KCNQ2: variants seen among roughly 807,000 people sequenced by gnomAD.
The protein encoded by KCNQ2 is potassium voltage-gated channel subfamily Q member 2.
In KCNQ2, 14 loss-of-function variants were observed where a neutral mutation model predicts 84.8. The observed-to-expected ratio is 0.17, with a 90% CI of 0.11 to 0.26. The LOEUF (loss-of-function observed/expected upper bound fraction) is 0.26. Ranked by LOEUF, KCNQ2 falls within the 10% of genes least tolerant of loss-of-function variation. KCNQ2 has a pLI of 1.00. For missense variants in KCNQ2, 788 were observed against 1,254.0 expected, an observed-to-expected ratio of 0.63 and a Z score of 5.61; for synonymous variants, 599 against 554.1, an observed-to-expected ratio of 1.08 and a Z score of -1.14.
At position 63,440,571 on chromosome 20, in the gene KCNQ2, G is replaced by A. The variant is rs139160695; in HGVS notation, c.817-863C>T. ...GCCCAGGACAGGCCCTGTGAGGGCA[G>A]AGTCTTAGATAAACAGACAGAGGGA... On this transcript the variant is annotated intron_variant, in intron 5 of 16. Coordinates refer to ENST00000359125, the MANE Select transcript of KCNQ2 (RefSeq NM_172107.4). Among the ~76,000 whole-genome samples the A allele has an allele frequency of 1.5e-3, 232 of 152,340 alleles. 1 individual carries two copies. Among genetic ancestry groups the A allele is most frequent in the African/African-American group, 4.5e-3 (188 of 41,588 alleles).
chr20:63,442,191 C>G (rs2081179858), intron 5 of KCNQ2, among the ~76,000 whole-genome samples: 1 of 152,132 alleles, frequency 6.6e-6, no homozygotes, highest in African/African-American at 2.4e-5. Context: ...CACGGCTGAG[C>G]TCAGGCTCTC....
chr20:63,440,035 G>A (rs977679771), intron 5 of KCNQ2, among the ~76,000 whole-genome samples: 6 of 152,370 alleles, frequency 3.9e-5, no homozygotes, highest in Admixed American at 1.3e-4. Context: ...GCCAGGTGAA[G>A]AGTGCAGCTG....
At chr20:63,443,035 A>T (rs1600773580) in intron 4 of KCNQ2, among the ~76,000 whole-genome samples, 1 of 42,528 alleles carries the variant, frequency 2.4e-5, no homozygotes, top group Non-Finnish European at 4.6e-5. Context: ...TCACATCACC[A>T]CCACCATCAC....
At chr20:63,457,878 A>C (rs2145851162) in intron 1 of KCNQ2, among the ~76,000 whole-genome samples, 1 of 152,212 alleles carries the variant, frequency 6.6e-6, no homozygotes, top group South Asian at 2.1e-4. Context: ...CTGGCTCAGC[A>C]CGTGGTTAAA....
intron 4 of KCNQ2, 103 bp from the exon 5 acceptor site, chr20:63,442,634 A>G: frequency 2.4e-6 from 3 of 1,259,496 alleles, no homozygotes; most frequent in Non-Finnish European, 1.1e-6. Context: ...GACCACCATC[A>G]CCACCACCAA....
chr20:63,406,311 G>A lies in KCNQ2; in HGVS notation c.*333C>T, dbSNP rs1446590443. The A allele has an allele frequency of 3.3e-6, 1 of 304,942 alleles. No homozygotes were observed. The highest frequency in any genetic ancestry group is 6.2e-6 in the Non-Finnish European group (1 of 162,194). The allele number at this position is 304,942 out of a possible 1,614,324, so 18.9% of individuals were successfully genotyped here. On this transcript the variant is annotated 3_prime_UTR_variant, in exon 17 of 17. Transcript: ENST00000359125. The stretch of plus-strand genomic sequence containing the variant: ...ACAACCCCCCGCCTGTTGCCACGCT[G>A]GCAACACCCCGTCATCACTCCCGCC...
chr20:63,463,091 A>G (rs1194105847), intron 1 of KCNQ2, among the ~76,000 whole-genome samples: 1 of 150,012 alleles, frequency 6.7e-6, no homozygotes, highest in African/African-American at 2.5e-5. Context: ...GTGTGTGCAC[A>G]TGTCATGTGA....
At chr20:63,421,682 A>ACAGGCACGGGGGAGCCCGC (rs2080474732) in intron 11 of KCNQ2, among the ~76,000 whole-genome samples, 1 of 151,850 alleles carries the variant, frequency 6.6e-6, no homozygotes, top group Non-Finnish European at 1.5e-5. Context: ...GGGGAGCCCG[A>ACAGGCACGGGGGAGCCCGC]ACAGGCACGG....
intron 11 of KCNQ2, among the ~76,000 whole-genome samples, chr20:63,421,895 C>T (rs546345558): frequency 9.5e-4 from 144 of 152,260 alleles, no homozygotes; most frequent in African/African-American, 3.4e-3. Flanking sequence ...CCAACGTAGA[C>T]GCTTCCTCTG....
chr20:63,472,392 G>T lies in KCNQ2; in HGVS notation c.72C>A (p.Phe24Leu). 6.5e-7 allele frequency: 1 copy of T among 1,537,402 alleles called. No homozygotes were observed. Residue 24 changes from phenylalanine to leucine, a missense_variant, in exon 1 of 17, where the codon TTC (phenylalanine) becomes TTA (leucine). Phe to Leu is a conservative substitution (Grantham distance 22, BLOSUM62 0). Coordinates refer to ENST00000359125, the MANE Select transcript of KCNQ2 (RefSeq NM_172107.4). ...PSGEKKLKVG[F>L]VGLDPGAPDS... ...CGGGCGCGCCGGGGTCCAGCCCCACGAAGCCCACCTTCAGCTTCTTCTCCC... is the reference window on the plus strand; with the variant it reads ...CGGGCGCGCCGGGGTCCAGCCCCACTAAGCCCACCTTCAGCTTCTTCTCCC...
chr20:63,429,104 C>T (rs1294238652), intron 9 of KCNQ2, among the ~76,000 whole-genome samples: 1 of 151,882 alleles, frequency 6.6e-6, no homozygotes, highest in Non-Finnish European at 1.5e-5. Flanking sequence ...CCCGCCGAAG[C>T]CCCCCAGGCA....
intron 4 of KCNQ2, among the ~76,000 whole-genome samples, chr20:63,443,314 C>T (rs1477494059): frequency 9.8e-6 from 1 of 101,992 alleles, no homozygotes; most frequent in Non-Finnish European, 2.2e-5. Context: ...TCACCATCAT[C>T]ACCACCACCA....
intron 11 of KCNQ2, among the ~76,000 whole-genome samples, chr20:63,421,745 G>T (rs1283785365): frequency 6.6e-6 from 1 of 152,150 alleles, no homozygotes; most frequent in African/African-American, 2.4e-5. Context: ...TCCTCCTCCA[G>T]CACGGGGGCA....
rs768228902 is a variant in KCNQ2 at position 63,413,515 on chromosome 20, G to A, written c.1698C>T (p.Asp566=). 120 of 1,613,394 alleles carry A rather than the reference G, an allele frequency of 7.4e-5. 1 individual carries two copies. In the Middle Eastern group the frequency reaches 9.9e-4, roughly 13 times the overall value. Residue 566 remains aspartate, a synonymous_variant, in exon 15 of 17, where the codon GAC becomes GAT. Transcript: ENST00000359125. The stretch of plus-strand genomic sequence containing the variant: ...GGCCGGCTGAGTACTGCTCGATGAC[G>A]TCCATCACGTCGTAGGGCCGCAGGC... ...KESLRPYDVM[D]VIEQYSAGHL...
chr20:63,463,719 C>T (rs781615245), intron 1 of KCNQ2: 1 of 152,270 alleles, frequency 6.6e-6, no homozygotes, highest in African/African-American at 2.4e-5. Context: ...AACAGAAAAG[C>T]AAGCTCGAAA....
rs2080218536 is a variant in KCNQ2 at position 63,414,296 on chromosome 20, C to T, written c.1526-103G>A. 1.1e-5 allele frequency: 9 copies of T among 838,830 alleles called. No homozygotes were observed. The highest frequency in any genetic ancestry group is 6.1e-5 in the Admixed American group (3 of 49,100). The allele number at this position is 838,830 out of a possible 1,614,324, so 52.0% of individuals were successfully genotyped here. A position where few individuals can be genotyped will look rare whatever the true frequency, so the allele number is the denominator to read the frequency against. ...CTAGACAGAGCGCCAGGGAGCCCCT[C>T]GAGGCTCCCTGTGGTGCCCCTCGGG... On this transcript the variant is annotated intron_variant, in intron 13 of 16. Coordinates refer to ENST00000359125, the MANE Select transcript of KCNQ2 (RefSeq NM_172107.4). This position sits in a 1 kb window ranked among gnomAD's most constrained non-coding sequence, Gnocchi z 6.6.
chr20:63,472,579 G>A lies in KCNQ2; in HGVS notation c.-116C>T. The A allele has an allele frequency of 1.1e-6, 1 of 901,836 alleles. No homozygotes were observed. Among genetic ancestry groups the A allele is most frequent in the Non-Finnish European group, 1.4e-6 (1 of 707,354 alleles). The allele number at this position is 901,836 out of a possible 1,614,324, so 55.9% of individuals were successfully genotyped here. ...CCGGGAGCCGCATGGCCGAGGCGGC[G>A]GTTCCGCACTCCTGCCGGGCTTGGG... On this transcript the variant is annotated 5_prime_UTR_variant, in exon 1 of 17. Transcript: ENST00000359125.
chr20:63,412,860 G>T (rs1484964962), intron 15 of KCNQ2, among the ~76,000 whole-genome samples: 1 of 152,222 alleles, frequency 6.6e-6, no homozygotes, highest in Non-Finnish European at 1.5e-5. Context: ...ACCCACTCGT[G>T]TGTATATCCT....
At chr20:63,434,943 T>C (rs1167577574) in intron 7 of KCNQ2, among the ~76,000 whole-genome samples, 1 of 152,266 alleles carries the variant, frequency 6.6e-6, no homozygotes, top group Non-Finnish European at 1.5e-5. Flanking sequence ...TGTGTCTGTC[T>C]ATACCTAGAG....
Sources: gnomAD v4.1 joint callset for allele counts (sites outside exome capture counted in the v4.1 genomes callset) on GRCh38, gnomAD v4.1.1 for gene constraint, Gnocchi (gnomAD v3.1) non-coding constraint, MANE v1.5 for transcripts, NCBI Gene and HGNC (gene_info 2026-07-23, HGNC 2026-07-21) for gene names.